Variants in SLC6A18 observed in about 807,000 individuals in gnomAD.
The protein encoded by SLC6A18 is inactive sodium-dependent neutral amino acid transporter B(0)AT3.
In SLC6A18, 58 loss-of-function variants were observed where a neutral mutation model predicts 62.9. The ratio of observed to expected loss-of-function variants is 0.92; its 90% CI spans 0.75 to 1.15. SLC6A18 has a LOEUF of 1.15. Among genes scored for constraint, SLC6A18 ranks in the 50% most tolerant of loss-of-function variants. The pLI is 0.00. For missense variants in SLC6A18, 793 were observed against 836.6 expected, an observed-to-expected ratio of 0.95 and a Z score of 0.64; for synonymous variants, 382 against 365.8, an observed-to-expected ratio of 1.04 and a Z score of -0.51.
rs1747068954 is a variant in SLC6A18 at position 1,241,851 on chromosome 5, G to C, written c.975-856G>C. Reference sequence around the variant, plus strand: ...ACATCTCAATGAGCAGGCGGATAAGGACCAGCCGTGCGCACAACGCCCTGC... The same window carrying C: ...ACATCTCAATGAGCAGGCGGATAAGCACCAGCCGTGCGCACAACGCCCTGC... On this transcript the variant is annotated intron_variant, in intron 7 of 11. Coordinates refer to ENST00000324642, the MANE Select transcript of SLC6A18 (RefSeq NM_182632.3). This position sits in a 1 kb window ranked among gnomAD's most constrained non-coding sequence, Gnocchi z 7.8. Among the ~76,000 whole-genome samples the C allele has an allele frequency of 6.6e-6, 1 of 152,242 alleles. No homozygotes were observed. The highest frequency in any genetic ancestry group is 1.5e-5 in the Non-Finnish European group (1 of 68,048).
chr5:1,226,147 G>A (rs1053744978), intron 1 of SLC6A18, among the ~76,000 whole-genome samples: 4 of 152,220 alleles, frequency 2.6e-5, no homozygotes, highest in Non-Finnish European at 5.9e-5. Flanking sequence ...GGAGAGCCCT[G>A]TGGGGGGTGC....
At chr5:1,244,814 CTTGG>C (rs781240178) in intron 11 of SLC6A18, 47 bp downstream of exon 11, 2 of 1,560,746 alleles carry the variant, frequency 1.3e-6, no homozygotes, top group African/African-American at 2.7e-5. Context: ...ACCCCTCGGG[CTTGG>C]TCTGGCCCCT....
At chr5:1,240,429 G>A (rs1183907079) in intron 6 of SLC6A18, 102 bp from the exon 7 acceptor site, 68 of 1,534,216 alleles carry the variant, frequency 4.4e-5, no homozygotes, top group African/African-American at 2.5e-4. Context: ...CATCCCAGGC[G>A]GGAGAGAGGG....
intron 7 of SLC6A18, 89 bp downstream of exon 7, chr5:1,240,748 T>C (rs567524333): frequency 1.3e-6 from 2 of 1,558,016 alleles, no homozygotes; most frequent in South Asian, 2.3e-5. Context: ...TGAGGAAGGG[T>C]GGCGTGGGCA....
Position 1,232,848 on chromosome 5 carries a change from GCTGCC to G in SLC6A18, c.403_407del (p.Pro135GlufsTer39). On this transcript the variant is annotated frameshift_variant, in exon 3 of 12. Coordinates refer to ENST00000324642, the MANE Select transcript of SLC6A18 (RefSeq NM_182632.3). LOFTEE classifies it high-confidence loss of function. ...ACCTCCTCAACTCCTTCCAGCACCCGCTGCCCTGGAGCTCCTGCCCACCGGACCTC... is the reference window on the plus strand; with the variant it reads ...ACCTCCTCAACTCCTTCCAGCACCCGCTGGAGCTCCTGCCCACCGGACCTC... 1 of 1,613,070 alleles carries G rather than the reference GCTGCC, an allele frequency of 6.2e-7. No homozygotes were observed. The highest frequency in any genetic ancestry group is 8.5e-7 in the Non-Finnish European group (1 of 1,179,914).
rs1161677796 is a variant in SLC6A18 at position 1,246,167 on chromosome 5, A to G, written c.*89A>G. 4.9e-6 allele frequency: 7 copies of G among 1,438,012 alleles called. No homozygotes were observed. The highest frequency in any genetic ancestry group is 6.4e-6 in the Non-Finnish European group (7 of 1,093,124). The allele number at this position is 1,438,012 out of a possible 1,614,324, so 89.1% of individuals were successfully genotyped here. A position where few individuals can be genotyped will look rare whatever the true frequency, so the allele number is the denominator to read the frequency against. On this transcript the variant is annotated 3_prime_UTR_variant, in exon 12 of 12. Coordinates refer to ENST00000324642, the MANE Select transcript of SLC6A18 (RefSeq NM_182632.3). ...GGCCCCGCCCACAGGGCCGACCCCAATACACCAGCGACTCAACCTTGATGC... is the reference window on the plus strand; with the variant it reads ...GGCCCCGCCCACAGGGCCGACCCCAGTACACCAGCGACTCAACCTTGATGC...
intron 4 of SLC6A18, among the ~76,000 whole-genome samples, chr5:1,236,266 C>T (rs976995635): frequency 3.9e-5 from 6 of 152,188 alleles, no homozygotes; most frequent in African/African-American, 1.4e-4. Context: ...CATCTCTAGC[C>T]TGTCATGGTC....
At position 1,232,311 on chromosome 5, in the gene SLC6A18, G is replaced by A; in HGVS notation, c.253G>A (p.Gly85Ser). Residue 85 changes from glycine (G) to serine (S), a missense_variant, in exon 2 of 12, where the codon GGC becomes AGC. Gly to Ser is a moderately conservative substitution (Grantham distance 56, BLOSUM62 0). Transcript: ENST00000324642. ...CGCCATCGGCCAGCGGCTGCGGAAG[G>A]GCAGCGTCGGCGTGTGGACGGCCAT... ...ELAIGQRLRK[G>S]SVGVWTAISP... The A allele has an allele frequency of 3.1e-6, 5 of 1,612,286 alleles. No individual in the cohort carries two copies. Among genetic ancestry groups the A allele is most frequent in the Non-Finnish European group, 4.2e-6 (5 of 1,179,826 alleles).
chr5:1,239,613 C>T (rs374188214), intron 6 of SLC6A18, 51 bp downstream of exon 6: 31 of 1,364,138 alleles, frequency 2.3e-5, no homozygotes, highest in Non-Finnish European at 2.8e-5. Context: ...GGGAGACGCC[C>T]GAGCACTTCC....
At chr5:1,235,354 G>T in intron 3 of SLC6A18, 127 bp from the exon 4 acceptor site, 2 of 849,774 alleles carry the variant, frequency 2.4e-6, no homozygotes, top group South Asian at 3.7e-5. Context: ...GGCCCAAAAA[G>T]AAGTGAAAGG....
intron 1 of SLC6A18, among the ~76,000 whole-genome samples, chr5:1,230,909 A>T (rs767032363): frequency 1.3e-5 from 2 of 152,154 alleles, no homozygotes; most frequent in Non-Finnish European, 2.9e-5. Flanking sequence ...TCGTGCACAG[A>T]CGGTGACTCG....
intron 5 of SLC6A18, 55 bp downstream of exon 5, chr5:1,238,115 G>A: frequency 1.5e-6 from 2 of 1,371,170 alleles, no homozygotes; most frequent in Non-Finnish European, 1.0e-6. Flanking sequence ...TTTCAGGGCT[G>A]TGGCCAGCAG....
chr5:1,229,215 C>T (rs78104696), intron 1 of SLC6A18, among the ~76,000 whole-genome samples: 6,130 of 151,814 alleles, frequency 0.04, 178 homozygotes, highest in Non-Finnish European at 0.056. Flanking sequence ...GCCACGATCT[C>T]GTATTCACAG....
At position 1,238,029 on chromosome 5, in the gene SLC6A18, C is replaced by G; in HGVS notation, c.701C>G (p.Thr234Arg). The G allele has an allele frequency of 6.2e-7, 1 of 1,614,174 alleles. No homozygotes were observed. The highest frequency in any genetic ancestry group is 8.5e-7 in the Non-Finnish European group (1 of 1,179,990). ...LIRGLTLPGA[T>R]KGLIYLFTPN... ...AGAGGGCTGACCCTGCCAGGGGCAA[C>G]AAAAGGACTCATCTACTTGTTCACT... Residue 234 changes from threonine (T) to arginine (R), a missense_variant, in exon 5 of 12, where the codon ACA becomes AGA. Physicochemically the swap from Thr to Arg is moderately conservative, Grantham distance 71 (BLOSUM62 -1). Transcript: ENST00000324642.
At chr5:1,238,125 GCTCC>G in intron 5 of SLC6A18, 65 bp downstream of exon 5, 1 of 1,284,256 alleles carries the variant, frequency 7.8e-7, no homozygotes, top group Non-Finnish European at 1.1e-6. Context: ...GTGGCCAGCA[GCTCC>G]CTCCCTCACC....
At position 1,241,345 on chromosome 5, in the gene SLC6A18, G is replaced by T. The variant is rs1747055197; in HGVS notation, c.974+686G>T. On this transcript the variant is annotated intron_variant, in intron 7 of 11. Coordinates refer to ENST00000324642, the MANE Select transcript of SLC6A18 (RefSeq NM_182632.3). The surrounding 1 kb of genome is among the most constrained non-coding windows in gnomAD (Gnocchi z 7.8). ...ATGGGGTGACTCTGACCCCACCAGG[G>T]TACATCTGGCAGTATATGGAGACAT... Among the ~76,000 whole-genome samples the T allele has an allele frequency of 1.3e-5, 2 of 152,208 alleles. No individual in the cohort carries two copies. The highest frequency in any genetic ancestry group is 1.5e-5 in the Non-Finnish European group (1 of 68,032).
rs1355026108 is a variant in SLC6A18 at position 1,235,749 on chromosome 5, A to G, written c.621+87A>G. 3.6e-6 allele frequency: 5 copies of G among 1,384,606 alleles called. No homozygotes were observed. The Admixed American group carries it at 9.7e-5, about 27-fold the overall frequency. The allele number at this position is 1,384,606 out of a possible 1,614,324, so 85.8% of individuals were successfully genotyped here. On this transcript the variant is annotated intron_variant, in intron 4 of 11. Coordinates refer to ENST00000324642, the MANE Select transcript of SLC6A18 (RefSeq NM_182632.3). ...ATTGACCTGTGTTCGCTTTGTGTCTACAAGCTCTTGCGAGGGGCATAAACA... is the reference window on the plus strand; with the variant it reads ...ATTGACCTGTGTTCGCTTTGTGTCTGCAAGCTCTTGCGAGGGGCATAAACA...
chr5:1,232,923 C>T (rs760379680), intron 3 of SLC6A18, 35 bp downstream of exon 3: 1 of 1,584,702 alleles, frequency 6.3e-7, no homozygotes, highest in South Asian at 1.2e-5. Context: ...TGGGTCCGTG[C>T]ACGGCCGAGA....
intron 5 of SLC6A18, among the ~76,000 whole-genome samples, chr5:1,239,210 G>A (rs571411550): frequency 6.6e-6 from 1 of 152,224 alleles, no homozygotes; most frequent in Non-Finnish European, 1.5e-5. Context: ...TCTCATGTGC[G>A]CCTGACAGCC....
Sources: gnomAD v4.1 joint callset for allele counts (sites outside exome capture counted in the v4.1 genomes callset) on GRCh38, gnomAD v4.1.1 for gene constraint, Gnocchi (gnomAD v3.1) non-coding constraint, MANE v1.5 for transcripts, NCBI Gene and HGNC (gene_info 2026-07-23, HGNC 2026-07-21) for gene names.